Variants in DOK6 observed in about 807,000 individuals in gnomAD.
DOK6 encodes downstream of tyrosine kinase 6.
In DOK6, 22 loss-of-function variants were observed where a neutral mutation model predicts 44.0. That is an observed-to-expected ratio of 0.50 (90% CI 0.36 to 0.71). The LOEUF (loss-of-function observed/expected upper bound fraction) is 0.71, where lower values mean the gene tolerates loss of function less well. DOK6 is among the 30% of genes least tolerant of loss of function. The pLI is 0.00. For synonymous variants in DOK6, 166 were observed against 145.5 expected (o/e 1.14, Z -1.01); for missense variants, 340 against 416.4 (o/e 0.82, Z 1.60).
intron 1 of DOK6, among the ~76,000 whole-genome samples, chr18:69,522,647 C>T (rs980149256): frequency 6.6e-6 from 1 of 151,972 alleles, no homozygotes; most frequent in African/African-American, 2.4e-5. Context: ...AGAGAAATAT[C>T]GTTTTAAACC....
chr18:69,411,879 T>C (rs778198311), intron 1 of DOK6, among the ~76,000 whole-genome samples: 3 of 152,154 alleles, frequency 2.0e-5, no homozygotes, highest in Admixed American at 6.6e-5. Context: ...GCTTTTACTC[T>C]TTCATCTCTT....
intron 1 of DOK6, among the ~76,000 whole-genome samples, chr18:69,554,879 C>T (rs112427123): frequency 0.013 from 2,001 of 152,158 alleles, 42 homozygotes; most frequent in African/African-American, 0.044. Context: ...TCCCTGAGTA[C>T]GAATGTAGTT....
At chr18:69,837,857 A>G (rs1982095749) in intron 7 of DOK6, among the ~76,000 whole-genome samples, 1 of 152,210 alleles carries the variant, frequency 6.6e-6, no homozygotes, top group Non-Finnish European at 1.5e-5. Context: ...GTTTTATAAC[A>G]TGCTCTTCTA....
At chr18:69,678,807 T>C (rs929468568) in intron 4 of DOK6, among the ~76,000 whole-genome samples, 5 of 152,216 alleles carry the variant, frequency 3.3e-5, no homozygotes, top group Admixed American at 3.3e-4. Flanking sequence ...ATAGAAACTT[T>C]TTAGTGTTGC....
chr18:69,484,544 T>G (rs981342452), intron 1 of DOK6, among the ~76,000 whole-genome samples: 3 of 152,218 alleles, frequency 2.0e-5, no homozygotes, highest in Non-Finnish European at 4.4e-5. Context: ...CAAGTAATAC[T>G]GAACCATTGC....
chr18:69,743,256 A>G (rs908699843), intron 6 of DOK6, among the ~76,000 whole-genome samples: 2 of 152,252 alleles, frequency 1.3e-5, no homozygotes, highest in African/African-American at 4.8e-5. Flanking sequence ...TGAACACGAT[A>G]TGTTCATCTC....
intron 4 of DOK6, among the ~76,000 whole-genome samples, chr18:69,689,570 G>A (rs1599264541): frequency 6.6e-6 from 1 of 152,062 alleles, no homozygotes; most frequent in African/African-American, 2.4e-5. Flanking sequence ...TATTGGTAAG[G>A]GATTTCTGGA....
intron 5 of DOK6, among the ~76,000 whole-genome samples, chr18:69,705,840 G>A (rs8088569): frequency 0.66 from 99,534 of 151,560 alleles, 33,225 homozygotes; most frequent in East Asian, 0.89. Flanking sequence ...TTATCTAACC[G>A]CTTTCCCTAG....
chr18:69,669,678 G>T (rs4353549), intron 3 of DOK6, among the ~76,000 whole-genome samples: 117,778 of 151,738 alleles, frequency 0.78, 46,035 homozygotes, highest in East Asian at 0.97. Context: ...GCACCCCCCC[G>T]CCGACCCTCC....
chr18:69,487,415 C>A (rs889787894), intron 1 of DOK6, among the ~76,000 whole-genome samples: 1 of 152,098 alleles, frequency 6.6e-6, no homozygotes, highest in Non-Finnish European at 1.5e-5. Context: ...TCATTGAGGA[C>A]AACTGGGGCA....
chr18:69,569,331 T>C (rs1983060315), intron 2 of DOK6, among the ~76,000 whole-genome samples: 1 of 152,198 alleles, frequency 6.6e-6, no homozygotes, highest in South Asian at 2.1e-4. Flanking sequence ...CAACTAAAGC[T>C]TAAGCATCTC....
At chr18:69,605,114 G>GTA (rs531546197) in intron 3 of DOK6, among the ~76,000 whole-genome samples, 32,067 of 148,580 alleles carry the variant, frequency 0.22, 3,790 homozygotes, top group Middle Eastern at 0.3. Context: ...GTGTGTGTGT[G>GTA]TGTGTGTGTG....
At chr18:69,477,878 T>C (rs529928277) in intron 1 of DOK6, among the ~76,000 whole-genome samples, 11 of 152,344 alleles carry the variant, frequency 7.2e-5, no homozygotes, top group Admixed American at 1.3e-4. Flanking sequence ...GAAACCTAAC[T>C]GTGAAAAGAA....
chr18:69,660,706 C>G (rs1400073200), intron 3 of DOK6: 1 of 144,196 alleles, frequency 6.9e-6, no homozygotes, highest in Non-Finnish European at 1.5e-5. Context: ...GAGTCTCGCT[C>G]TGTCACCAGG....
intron 2 of DOK6, among the ~76,000 whole-genome samples, chr18:69,576,535 A>C (rs988611511): frequency 3.3e-5 from 5 of 152,176 alleles, no homozygotes; most frequent in Non-Finnish European, 7.4e-5. Context: ...TATCTGGAAC[A>C]TACATATTAT....
chr18:69,659,109 T>C (rs968031885), intron 3 of DOK6, among the ~76,000 whole-genome samples: 1 of 152,250 alleles, frequency 6.6e-6, no homozygotes, highest in African/African-American at 2.4e-5. Flanking sequence ...CATCTGACTT[T>C]GCTGCCACTG....
intron 3 of DOK6, among the ~76,000 whole-genome samples, chr18:69,607,402 T>C (rs948332713): frequency 6.6e-6 from 1 of 152,218 alleles, no homozygotes; most frequent in African/African-American, 2.4e-5. Flanking sequence ...CAATATACCA[T>C]AGCAGGAAAA....
intron 3 of DOK6, among the ~76,000 whole-genome samples, chr18:69,647,212 T>G (rs147245652): frequency 1.3e-5 from 2 of 151,314 alleles, no homozygotes; most frequent in African/African-American, 4.9e-5. Flanking sequence ...TCTCCTGTCT[T>G]CATTATGTAC....
At chr18:69,420,185 G>A (rs1978448139) in intron 1 of DOK6, among the ~76,000 whole-genome samples, 1 of 151,624 alleles carries the variant, frequency 6.6e-6, no homozygotes, top group East Asian at 1.9e-4. Context: ...TTGTTTTAAA[G>A]GCTATCTAAA....
Sources: allele counts gnomAD v4.1 joint callset (sites outside exome capture counted in the v4.1 genomes callset), GRCh38; gene constraint gnomAD v4.1.1; transcripts MANE v1.5; gene names NCBI Gene and HGNC (gene_info 2026-07-23, HGNC 2026-07-21).